Variants in USP42 observed in about 807,000 individuals in gnomAD.
USP42 encodes the protein ubiquitin specific peptidase 42.
A neutral mutation model predicts 113.0 loss-of-function variants in USP42; 23 were observed. The observed-to-expected ratio is 0.20, with a 90% CI of 0.15 to 0.29. The LOEUF (loss-of-function observed/expected upper bound fraction) is 0.29, where lower values mean the gene tolerates loss of function less well. USP42 is among the 10% of genes least tolerant of loss of function. USP42 has a pLI of 1.00. For synonymous variants in USP42, 933 were observed against 699.0 expected (o/e 1.33, Z -5.28); for missense variants, 2,174 against 1,779.8 (o/e 1.22, Z -3.99).
At chr7:6,093,388 T>C in the USP42 span, among the ~76,000 whole-genome samples, 1 of 150,410 alleles carries the variant, frequency 6.6e-6, no homozygotes, top group South Asian at 2.1e-4. Context: ...CGAGTTCAAG[T>C]GATTCTCATG....
Position 6,154,792 on chromosome 7 carries a change from G to A in USP42, c.3238G>A (p.Gly1080Ser), listed in dbSNP as rs1389340066. Residue 1080 changes from glycine to serine, a missense_variant, in exon 15 of 18, where the codon GGC becomes AGC. Physicochemically the swap from Gly to Ser is moderately conservative, Grantham distance 56. Transcript: ENST00000306177. ...CCGGGACTGGAAGCCCTTCCACGGCGGCCGCGAGCACGAGCGGGCCGGGCT... is the reference window on the plus strand; with the variant it reads ...CCGGGACTGGAAGCCCTTCCACGGCAGCCGCGAGCACGAGCGGGCCGGGCT... ...AARDWKPFHG[G>S]REHERAGLHE... The A allele has an allele frequency of 4.5e-6, 7 of 1,548,190 alleles. No individual in the cohort carries two copies. Among genetic ancestry groups the A allele is most frequent in the Admixed American group, 3.9e-5 (2 of 50,884 alleles).
At chr7:6,123,654 C>G in intron 3 of USP42, among the ~76,000 whole-genome samples, 1 of 151,638 alleles carries the variant, frequency 6.6e-6, no homozygotes, top group Non-Finnish European at 1.5e-5. Context: ...CAGCGAGACT[C>G]CATCTCAAAA....
At chr7:6,152,569 G>T (rs796588992) in intron 14 of USP42, among the ~76,000 whole-genome samples, 1 of 152,100 alleles carries the variant, frequency 6.6e-6, no homozygotes, top group Non-Finnish European at 1.5e-5. Flanking sequence ...GGAATGGGGC[G>T]AACCCTGTGG....
chr7:6,156,997 G>A lies in USP42; in HGVS notation c.3885G>A (p.Thr1295=), dbSNP rs376395523. 12 of 1,613,386 alleles carry A rather than the reference G, an allele frequency of 7.4e-6. No individual in the cohort carries two copies. Among genetic ancestry groups the A allele is most frequent in the African/African-American group, 5.3e-5 (4 of 74,900 alleles). Residue 1295 remains threonine, a synonymous_variant, in exon 16 of 18, where the codon ACG becomes ACA. Transcript: ENST00000306177. ...LEGVGPFREK[T]KHLRMESRDD... ...GCGTCGGACCTTTCCGTGAGAAAAC[G>A]AAACACTTACGGATGGAAAGCAGGG...
At chr7:6,107,369 A>G (rs998421286) in intron 1 of USP42, among the ~76,000 whole-genome samples, 1 of 145,260 alleles carries the variant, frequency 6.9e-6, no homozygotes, top group Non-Finnish European at 1.5e-5. Context: ...ACCTTTTCTT[A>G]TATTTCTTAC....
At chr7:6,088,431 T>C in the USP42 span, among the ~76,000 whole-genome samples, 2 of 150,936 alleles carry the variant, frequency 1.3e-5, no homozygotes, top group Non-Finnish European at 2.9e-5. Flanking sequence ...AATTTTTATA[T>C]ATTTTTAGTA....
chr7:6,153,010 C>T, intron 14 of USP42: 1 of 967,358 alleles, frequency 1.0e-6, no homozygotes, highest in South Asian at 4.8e-5. Flanking sequence ...GTGGCTCACG[C>T]CTGTAATCCC....
upstream of USP42, among the ~76,000 whole-genome samples, chr7:6,103,999 G>A (rs1779106522): frequency 6.6e-6 from 1 of 151,012 alleles, no homozygotes; most frequent in African/African-American, 2.5e-5. Flanking sequence ...CAGGAACATC[G>A]CTTGAGCCCG....
the USP42 span, among the ~76,000 whole-genome samples, chr7:6,092,779 C>G: frequency 6.6e-6 from 1 of 151,310 alleles, no homozygotes; most frequent in Non-Finnish European, 1.5e-5. Flanking sequence ...GCCACAGTCT[C>G]AGATTTCCTT....
At chr7:6,085,995 C>A in the USP42 span, among the ~76,000 whole-genome samples, 1 of 150,746 alleles carries the variant, frequency 6.6e-6, no homozygotes, top group Non-Finnish European at 1.5e-5. Flanking sequence ...TGGCTGCCAA[C>A]ATCGAGATGA....
the USP42 span, among the ~76,000 whole-genome samples, chr7:6,095,297 A>G: frequency 1.5e-4 from 23 of 151,272 alleles, no homozygotes; most frequent in Admixed American, 2.6e-4. Context: ...GAGCTGCGTT[A>G]ACTTGGACTC....
chr7:6,150,976 A>G (rs1782013334), intron 14 of USP42, among the ~76,000 whole-genome samples: 1 of 152,246 alleles, frequency 6.6e-6, no homozygotes, highest in South Asian at 2.1e-4. Context: ...ACAGTGTGTC[A>G]CACAGACCTA....
rs1027092466 is a variant in USP42 at position 6,160,681 on chromosome 7, T to G, written c.*163T>G. The G allele has an allele frequency of 1.3e-5, 2 of 152,650 alleles. No individual in the cohort carries two copies. Among genetic ancestry groups the G allele is most frequent in the Non-Finnish European group, 2.9e-5 (2 of 68,040 alleles). The allele number at this position is 152,650 out of a possible 1,614,324, so 9.5% of individuals were successfully genotyped here. A position where few individuals can be genotyped will look rare whatever the true frequency, so the allele number is the denominator to read the frequency against. On this transcript the variant is annotated 3_prime_UTR_variant, in exon 18 of 18. Coordinates refer to ENST00000306177, the MANE Select transcript of USP42 (RefSeq NM_032172.3). ...TACAGATTTTACCATGGAGAACTTT[T>G]TTTTTAGTTTTTACCTTTTCTTAAT...
rs1259640997 is a variant in USP42, at chr7:6,159,068, G to A, written c.3944-382G>A. ...GTCCTTCTGAGAAGGCCGCTGCCCGGCCCCGCCTCACCCAGCGTCCTGTGG... is the reference window on the plus strand; with the variant it reads ...GTCCTTCTGAGAAGGCCGCTGCCCGACCCCGCCTCACCCAGCGTCCTGTGG... On this transcript the variant is annotated intron_variant, in intron 16 of 17. Coordinates refer to ENST00000306177, the MANE Select transcript of USP42 (RefSeq NM_032172.3). The surrounding 1 kb of genome is among the most constrained non-coding windows in gnomAD (Gnocchi z 4.1). Among the ~76,000 whole-genome samples, 2 of 152,280 alleles carry A rather than the reference G, an allele frequency of 1.3e-5. No homozygotes were observed. The highest frequency in any genetic ancestry group is 6.5e-5 in the Admixed American group (1 of 15,284).
intron 12 of USP42, 114 bp from the exon 13 acceptor site, chr7:6,149,469 T>C (rs1170814070): frequency 5.2e-5 from 67 of 1,280,584 alleles, no homozygotes; most frequent in Non-Finnish European, 7.0e-5. Flanking sequence ...ATGAAACTTG[T>C]TAGTCCTGAA....
At position 6,113,375 on chromosome 7, in the gene USP42, C is replaced by T. The variant is rs191718684; in HGVS notation, c.242-1948C>T. Among the ~76,000 whole-genome samples, 8 of 152,250 alleles carry T rather than the reference C, an allele frequency of 5.3e-5. No homozygotes were observed. In the East Asian group the frequency reaches 1.2e-3, roughly 22 times the overall value. On this transcript the variant is annotated intron_variant, in intron 2 of 17. Transcript: ENST00000306177. The stretch of plus-strand genomic sequence containing the variant: ...CCCACAGGACCTCTTTCTCCACGGC[C>T]TTCAACCTCCTGTCATGTTGCTGGG...
Position 6,154,272 on chromosome 7 carries a change from G to A in USP42, c.2718G>A (p.Met906Ile), listed in dbSNP as rs556038611. Residue 906 changes from methionine to isoleucine, a missense_variant, in exon 15 of 18, where the codon ATG becomes ATA. Coordinates refer to ENST00000306177, the MANE Select transcript of USP42 (RefSeq NM_032172.3). ...AERPPAPVLD[M>I]APAGHPEGDA... is the part of the protein sequence containing the mutation. ...GGCCGCCAGCTCCTGTGCTGGACAT[G>A]GCCCCGGCCGGTCACCCGGAAGGGG... The A allele has an allele frequency of 3.8e-6, 6 of 1,597,376 alleles. No homozygotes were observed. The South Asian group carries it at 6.7e-5, about 18-fold the overall frequency.
At chr7:6,098,019 C>G in the USP42 span, among the ~76,000 whole-genome samples, 1 of 148,562 alleles carries the variant, frequency 6.7e-6, no homozygotes, top group Non-Finnish European at 1.5e-5. Context: ...ATTCTCCTGC[C>G]TCAGCCTCCT....
At position 6,154,572 on chromosome 7, in the gene USP42, C is replaced by T. The variant is rs753295973; in HGVS notation, c.3018C>T (p.Leu1006=). ...PEHHPGHGDR[L]SPGERRSLGR... The stretch of plus-strand genomic sequence containing the variant: ...ACCACCCCGGCCACGGCGACAGGCT[C>T]AGCCCTGGCGAGCGCCGCTCTCTGG... The change falls in exon 15 of 18, where the codon CTC becomes CTT. Residue 1006 remains leucine, a synonymous_variant. Coordinates refer to ENST00000306177, the MANE Select transcript of USP42 (RefSeq NM_032172.3). 7 of 1,559,130 alleles carry T rather than the reference C, an allele frequency of 4.5e-6. No homozygotes were observed. Among genetic ancestry groups the T allele is most frequent in the Admixed American group, 3.8e-5 (2 of 52,122 alleles).
Sources: gnomAD v4.1 joint callset for allele counts (sites outside exome capture counted in the v4.1 genomes callset) on GRCh38, gnomAD v4.1.1 for gene constraint, Gnocchi (gnomAD v3.1) non-coding constraint, MANE v1.5 for transcripts, NCBI Gene and HGNC (gene_info 2026-07-23, HGNC 2026-07-21) for gene names.